Variants in MARCHF5 observed in about 807,000 individuals in gnomAD.
MARCHF5 encodes E3 ubiquitin-protein ligase MARCHF5.
MARCHF5 carries 5 observed loss-of-function variants against 36.5 expected under a neutral mutation model. The ratio of observed to expected loss-of-function variants is 0.14; its 90% confidence interval spans 0.07 to 0.29. MARCHF5 has a LOEUF of 0.29. Among genes scored for constraint, MARCHF5 ranks in the 10% least tolerant of loss-of-function variants. The pLI is 1.00. For missense variants in MARCHF5, 179 were observed against 336.3 expected (o/e 0.53, Z 3.66); for synonymous variants, 103 against 109.9 (o/e 0.94, Z 0.39).
intron 1 of MARCHF5, among the ~76,000 whole-genome samples, chr10:92,303,895 T>A (rs1250347315): frequency 2.6e-5 from 4 of 152,212 alleles, no homozygotes; most frequent in African/African-American, 9.6e-5. Flanking sequence ...GACAGTGATT[T>A]GTTCTTTGTT....
At chr10:92,327,869 GAAAA>G (rs962234296) in intron 2 of MARCHF5, among the ~76,000 whole-genome samples, 1 of 149,996 alleles carries the variant, frequency 6.7e-6, no homozygotes, top group African/African-American at 2.4e-5. Flanking sequence ...GCATAAAAGG[GAAAA>G]AAAAAGTAAG....
At chr10:92,326,718 A>G (rs1480349584) in intron 2 of MARCHF5, among the ~76,000 whole-genome samples, 2 of 152,074 alleles carry the variant, frequency 1.3e-5, no homozygotes, top group African/African-American at 4.8e-5. Flanking sequence ...TTGCTTTGCT[A>G]GAAATGGAAA....
chr10:92,317,000 G>A (rs1212299048), intron 2 of MARCHF5, among the ~76,000 whole-genome samples: 1 of 152,132 alleles, frequency 6.6e-6, no homozygotes, highest in East Asian at 1.9e-4. Context: ...TAAACTTTGA[G>A]ACCTGGTAAT....
At chr10:92,294,271 G>A (rs1014843682) in intron 1 of MARCHF5, among the ~76,000 whole-genome samples, 1 of 152,104 alleles carries the variant, frequency 6.6e-6, no homozygotes, top group African/African-American at 2.4e-5. Flanking sequence ...TTTGAACTTA[G>A]ATTCTGACAC....
Position 92,349,508 on chromosome 10 carries a change from C to A in MARCHF5, c.529C>A (p.Gln177Lys). 1 of 1,613,654 alleles carries A rather than the reference C, an allele frequency of 6.2e-7. No individual in the cohort carries two copies. Among genetic ancestry groups the A allele is most frequent in the Non-Finnish European group, 8.5e-7 (1 of 1,179,854 alleles). Residue 177 changes from glutamine to lysine, a missense_variant, in exon 4 of 6, where the codon CAA becomes AAA. By Grantham distance (53) the Gln-to-Lys change is moderately conservative. Transcript: ENST00000358935. ...GTGGCGCAAATACTCGAATAAACTA[C>A]AAATTTTAAATAGTATATTTCCAGG... ...RLWRKYSNKL[Q>K]ILNSIFPGIG...
chr10:92,338,592 A>G (rs1031371833), intron 2 of MARCHF5, among the ~76,000 whole-genome samples: 1 of 152,236 alleles, frequency 6.6e-6, no homozygotes, highest in African/African-American at 2.4e-5. Context: ...AATATGCTAT[A>G]CATATTATAA....
chr10:92,348,216 C>T (rs965606294), intron 3 of MARCHF5, among the ~76,000 whole-genome samples: 1 of 149,422 alleles, frequency 6.7e-6, no homozygotes, highest in Non-Finnish European at 1.5e-5. Flanking sequence ...TGGCCAGGCA[C>T]GGTGGCTCGC....
chr10:92,337,961 C>CTCA (rs963323173), intron 2 of MARCHF5, among the ~76,000 whole-genome samples: 1 of 151,194 alleles, frequency 6.6e-6, no homozygotes, highest in Non-Finnish European at 1.5e-5. Flanking sequence ...ATTGCTTGAG[C>CTCA]CTAGGAGTTC....
chr10:92,326,912 C>T lies in MARCHF5; in HGVS notation c.239-13761C>T, dbSNP rs190453799. Among the ~76,000 whole-genome samples, 426 of 152,070 alleles carry T rather than the reference C, an allele frequency of 2.8e-3. 1 individual carries two copies. The highest frequency in any genetic ancestry group is 4.0e-3 in the Non-Finnish European group (272 of 67,998). On this transcript the variant is annotated intron_variant, in intron 2 of 5. Coordinates refer to ENST00000358935, the MANE Select transcript of MARCHF5 (RefSeq NM_017824.5). ...TTAATGAAAAGTCTTTCTACTATGTCTGCCAGCCATGGTGCCAAGTAAGTT... is the reference window on the plus strand; with the variant it reads ...TTAATGAAAAGTCTTTCTACTATGTTTGCCAGCCATGGTGCCAAGTAAGTT...
chr10:92,348,206 T>G (rs1201806170), intron 3 of MARCHF5, among the ~76,000 whole-genome samples: 3 of 116,370 alleles, frequency 2.6e-5, no homozygotes, highest in Non-Finnish European at 5.4e-5. Context: ...AAAAAATTTT[T>G]GGCCAGGCAC....
At chr10:92,320,556 T>A (rs1843278655) in intron 2 of MARCHF5, among the ~76,000 whole-genome samples, 1 of 152,078 alleles carries the variant, frequency 6.6e-6, no homozygotes, top group Non-Finnish European at 1.5e-5. Context: ...TAATTGATGA[T>A]CCTGACCCTG....
At chr10:92,293,510 C>G (rs1590640863) in intron 1 of MARCHF5, among the ~76,000 whole-genome samples, 1 of 151,746 alleles carries the variant, frequency 6.6e-6, no homozygotes, top group African/African-American at 2.4e-5. Context: ...GTGGCTCACC[C>G]TTGTAATCCC....
At chr10:92,324,095 G>T (rs1056905129) in intron 2 of MARCHF5, among the ~76,000 whole-genome samples, 13 of 152,216 alleles carry the variant, frequency 8.5e-5, no homozygotes, top group Non-Finnish European at 1.5e-5. Flanking sequence ...TCTGATAGAT[G>T]TATAGAGGTA....
intron 2 of MARCHF5, among the ~76,000 whole-genome samples, chr10:92,312,817 TATTTTA>T (rs1407080635): frequency 1.3e-5 from 2 of 152,224 alleles, no homozygotes; most frequent in Non-Finnish European, 2.9e-5. Context: ...CAAAGTTGAG[TATTTTA>T]ATTTTGGAGA....
intron 2 of MARCHF5, among the ~76,000 whole-genome samples, chr10:92,321,865 G>GT (rs1177701592): frequency 6.6e-6 from 1 of 151,794 alleles, no homozygotes; most frequent in East Asian, 1.9e-4. Flanking sequence ...TTTCATTTCT[G>GT]TAAGATTGGT....
chr10:92,293,313 T>C (rs1842912513), intron 1 of MARCHF5, among the ~76,000 whole-genome samples: 1 of 152,064 alleles, frequency 6.6e-6, no homozygotes, highest in Non-Finnish European at 1.5e-5. Flanking sequence ...CCATGTTGCC[T>C]GTGCTGGTCT....
At chr10:92,295,660 G>C (rs919964573) in intron 1 of MARCHF5, among the ~76,000 whole-genome samples, 1 of 151,894 alleles carries the variant, frequency 6.6e-6, no homozygotes, top group Non-Finnish European at 1.5e-5. Context: ...TGCCGGAATT[G>C]ACCTCCCACA....
intron 2 of MARCHF5, among the ~76,000 whole-genome samples, chr10:92,329,999 C>T (rs764485856): frequency 6.6e-6 from 1 of 152,170 alleles, no homozygotes; most frequent in Non-Finnish European, 1.5e-5. Flanking sequence ...CCTACCACCA[C>T]GCCCAACTAA....
intron 1 of MARCHF5, among the ~76,000 whole-genome samples, chr10:92,296,938 A>G (rs1435851890): frequency 1.3e-5 from 2 of 152,182 alleles, no homozygotes; most frequent in East Asian, 1.9e-4. Flanking sequence ...TCACATCACC[A>G]TGTTGACAAT....
Sources: gnomAD v4.1 joint callset for allele counts (sites outside exome capture counted in the v4.1 genomes callset) on GRCh38, gnomAD v4.1.1 for gene constraint, MANE v1.5 for transcripts, NCBI Gene and HGNC (gene_info 2026-07-23, HGNC 2026-07-21) for gene names.